RASAL2: variants seen among roughly 807,000 people sequenced by gnomAD.
RASAL2 encodes RAS protein activator like 2, also known as ras GTPase-activating protein nGAP.
A neutral mutation model predicts 128.9 loss-of-function variants in RASAL2; 58 were observed. The observed-to-expected ratio is 0.45, with a 90% confidence interval of 0.36 to 0.56. The LOEUF is 0.56. Ranked by LOEUF, RASAL2 falls within the 20% of genes least tolerant of loss-of-function variation. RASAL2 has a pLI of 0.00. For missense variants in RASAL2, 1,360 were observed against 1,601.6 expected, an observed-to-expected ratio of 0.85 and a Z score of 2.57; for synonymous variants, 561 against 580.8, an observed-to-expected ratio of 0.97 and a Z score of 0.49.
intron 1 of RASAL2, among the ~76,000 whole-genome samples, chr1:178,252,937 T>C (rs1275970704): frequency 6.6e-6 from 1 of 152,216 alleles, no homozygotes; most frequent in East Asian, 1.9e-4. Flanking sequence ...AAACCTTGCC[T>C]GGATTACCGT....
intron 1 of RASAL2, among the ~76,000 whole-genome samples, chr1:178,268,380 A>T (rs940862362): frequency 3.3e-5 from 5 of 152,128 alleles, no homozygotes; most frequent in African/African-American, 1.2e-4. Flanking sequence ...AGGCAGGAGA[A>T]TTGCTTGAAC....
intron 4 of RASAL2, among the ~76,000 whole-genome samples, chr1:178,397,133 A>T (rs556413128): frequency 4.6e-4 from 70 of 152,312 alleles, no homozygotes; most frequent in African/African-American, 1.6e-3. Flanking sequence ...AGGAATATAC[A>T]CAAGAAAATT....
chr1:178,135,538 G>C (rs938461481), intron 1 of RASAL2, among the ~76,000 whole-genome samples: 1 of 143,868 alleles, frequency 7.0e-6, no homozygotes, highest in Non-Finnish European at 1.5e-5. Context: ...ATACGTAGTA[G>C]CTGAATTCCT....
chr1:178,415,983 A>G (rs1674724830), intron 4 of RASAL2, among the ~76,000 whole-genome samples: 1 of 112,042 alleles, frequency 8.9e-6, no homozygotes, highest in South Asian at 2.9e-4. Flanking sequence ...GATGATATAT[A>G]GTTGGGTTTT....
At chr1:178,279,731 A>C (rs761827354) in intron 1 of RASAL2, among the ~76,000 whole-genome samples, 6 of 152,214 alleles carry the variant, frequency 3.9e-5, no homozygotes, top group African/African-American at 1.4e-4. Context: ...GGAAACAACC[A>C]AGAGTATTTA....
At chr1:178,102,423 T>C (rs1658937801) in intron 1 of RASAL2, among the ~76,000 whole-genome samples, 1 of 152,060 alleles carries the variant, frequency 6.6e-6, no homozygotes, top group South Asian at 2.1e-4. Flanking sequence ...AGTGGCGCAA[T>C]CATAGCTTAC....
In RASAL2 at chr1:178,452,426, C is replaced by T. The variant is rs780082389; in HGVS notation, c.1783C>T (p.Arg595Cys). 11 of 1,613,852 alleles carry T rather than the reference C, an allele frequency of 6.8e-6. No individual in the cohort carries two copies. The highest frequency in any genetic ancestry group is 5.3e-5 in the African/African-American group (4 of 75,024). ...TCTTTCCTTCCCTAGTGTTTTCCCT[C>T]GTGAGTTGAAAGAAGTGTTTGCATC... is the stretch of plus-strand genomic sequence containing the variant. ...KIINSYCVFPRELKEVFASWK... is the reference protein window; with the variant it reads ...KIINSYCVFPCELKEVFASWK... The change falls in exon 11 of 18, where the codon CGT (arginine) becomes TGT (cysteine). Residue 595 changes from arginine (R) to cysteine (C), a missense_variant. By Grantham distance (180) the Arg-to-Cys change is radical. Coordinates refer to ENST00000367649, the MANE Select transcript of RASAL2 (RefSeq NM_170692.4).
At chr1:178,397,560 G>A (rs1673316458) in intron 4 of RASAL2, among the ~76,000 whole-genome samples, 1 of 152,004 alleles carries the variant, frequency 6.6e-6, no homozygotes, top group African/African-American at 2.4e-5. Context: ...GGTGATGGTT[G>A]CACAGCTTTG....
chr1:178,301,467 G>A (rs1377552819), intron 3 of RASAL2, among the ~76,000 whole-genome samples: 1 of 151,334 alleles, frequency 6.6e-6, no homozygotes, highest in East Asian at 1.9e-4. Flanking sequence ...GAGACTTGCT[G>A]TGTTGCCCAG....
At chr1:178,335,560 T>A (rs1320636166) in intron 3 of RASAL2, among the ~76,000 whole-genome samples, 1 of 151,964 alleles carries the variant, frequency 6.6e-6, no homozygotes, top group Non-Finnish European at 1.5e-5. Context: ...ACACACACAC[T>A]CTCAGACACA....
At chr1:178,279,708 C>G (rs1312280359) in intron 1 of RASAL2, among the ~76,000 whole-genome samples, 1 of 152,070 alleles carries the variant, frequency 6.6e-6, no homozygotes, top group Non-Finnish European at 1.5e-5. Flanking sequence ...AAGACATAAA[C>G]TTATCACTTC....
At chr1:178,350,952 C>A (rs1322164522) in intron 3 of RASAL2, among the ~76,000 whole-genome samples, 2 of 152,148 alleles carry the variant, frequency 1.3e-5, no homozygotes, top group Admixed American at 1.3e-4. Context: ...GGAAGCATGG[C>A]ATCATCTGCT....
Position 178,466,080 on chromosome 1 carries a change from A to T in RASAL2, c.3548A>T (p.Gln1183Leu), listed in dbSNP as rs1647653143. ...GACAGCGAGGAGCGGCTCCGAAGACAGCAGGAAGAAAAAGATAGCCAGATG... is the reference window on the plus strand; with the variant it reads ...GACAGCGAGGAGCGGCTCCGAAGACTGCAGGAAGAAAAAGATAGCCAGATG... Reference protein sequence around the residue: ...LEDSEERLRRQQEEKDSQMKS... With the variant: ...LEDSEERLRRLQEEKDSQMKS... Residue 1183 changes from glutamine (Q) to leucine (L), a missense_variant, in exon 16 of 18, where the codon CAG (glutamine) becomes CTG (leucine). Physicochemically the swap from Gln to Leu is moderately radical, Grantham distance 113. Around this residue, in one of 3 missense-constraint regions of RASAL2, gnomAD observed 741 missense variants for 868.6 expected, o/e 0.85. Coordinates refer to ENST00000367649, the MANE Select transcript of RASAL2 (RefSeq NM_170692.4). The T allele has an allele frequency of 6.3e-7, 1 of 1,577,674 alleles. No homozygotes were observed.
chr1:178,306,823 A>G (rs1668011882), intron 3 of RASAL2, among the ~76,000 whole-genome samples: 1 of 131,100 alleles, frequency 7.6e-6, no homozygotes, highest in African/African-American at 2.9e-5. Flanking sequence ...AACAAATCAC[A>G]TGGACACAGG....
chr1:178,094,682 G>T lies in RASAL2; in HGVS notation c.190G>T (p.Val64Phe). 1 of 1,614,118 alleles carries T rather than the reference G, an allele frequency of 6.2e-7. No homozygotes were observed. Among genetic ancestry groups the T allele is most frequent in the Non-Finnish European group, 8.5e-7 (1 of 1,180,046 alleles). Reference sequence around the variant, plus strand: ...GTCCGTGTGCCAGCAACAGAGCTGGGTCCGGGTGTACGGTAAGGACCACAG... The same window carrying T: ...GTCCGTGTGCCAGCAACAGAGCTGGTTCCGGGTGTACGGTAAGGACCACAG... ...LESVCQQQSWVRVYDVKGPPT... is the reference protein window; with the variant it reads ...LESVCQQQSWFRVYDVKGPPT... Residue 64 changes from valine (V) to phenylalanine (F), a missense_variant, in exon 1 of 18, where the codon GTC becomes TTC. Physicochemically the swap from Val to Phe is conservative, Grantham distance 50 (BLOSUM62 -1). Around this residue, in one of 3 missense-constraint regions of RASAL2, gnomAD observed 617 missense variants for 714.2 expected, o/e 0.86. Coordinates refer to ENST00000367649, the MANE Select transcript of RASAL2 (RefSeq NM_170692.4).
Position 178,199,288 on chromosome 1 carries a change from G to T in RASAL2, c.203-84276G>T, listed in dbSNP as rs1662782581. Among the ~76,000 whole-genome samples, 3 of 152,178 alleles carry T rather than the reference G, an allele frequency of 2.0e-5. No homozygotes were observed. In the South Asian group the frequency reaches 6.2e-4, roughly 32 times the overall value. ...TGAGGTGATGCCCCACCCTCCTTCA[G>T]CTCGCCCTCCGTGGGCTGTACCCAC... On this transcript the variant is annotated intron_variant, in intron 1 of 17. Transcript: ENST00000367649.
chr1:178,252,393 G>A (rs983425562), intron 1 of RASAL2, among the ~76,000 whole-genome samples: 22 of 152,034 alleles, frequency 1.4e-4, no homozygotes, highest in Non-Finnish European at 3.2e-4. Context: ...CAGCAGTATG[G>A]CAATATGAAC....
chr1:178,381,732 A>G (rs1043484229), intron 3 of RASAL2, among the ~76,000 whole-genome samples: 5 of 151,988 alleles, frequency 3.3e-5, no homozygotes, highest in African/African-American at 1.2e-4. Flanking sequence ...CTACCATTAT[A>G]CCCCCAATTG....
At chr1:178,470,785 GCCTCCTACACAT>G in intron 17 of RASAL2, 3 of 1,278,012 alleles carry the variant, frequency 2.3e-6, no homozygotes, top group Non-Finnish European at 3.2e-6. Context: ...CAGTGCACTG[GCCTCCTACACAT>G]TCCAGCTCCT....
Sources: allele counts gnomAD v4.1 joint callset (sites outside exome capture counted in the v4.1 genomes callset), GRCh38; gene constraint gnomAD v4.1.1; regional missense constraint gnomAD v4.1.1; transcripts MANE v1.5; gene names NCBI Gene and HGNC (gene_info 2026-07-23, HGNC 2026-07-21).